The following PCDHGB2 variants were observed in gnomAD, a reference collection of about 807,000 sequenced individuals.
The protein encoded by PCDHGB2 is protocadherin gamma-B2.
PCDHGB2 carries 55 observed loss-of-function variants against 59.3 expected under a neutral mutation model. The ratio of observed to expected loss-of-function variants is 0.93; its 90% CI spans 0.75 to 1.16. The LOEUF (loss-of-function observed/expected upper bound fraction) is 1.16. PCDHGB2 is among the 50% of genes most tolerant of loss of function. The pLI, the probability that PCDHGB2 is intolerant of heterozygous loss-of-function variation, is 0.00. For synonymous variants in PCDHGB2, 516 were observed against 512.0 expected, an observed-to-expected ratio of 1.01 and a Z score of -0.11; for missense variants, 1,228 against 1,198.5, an observed-to-expected ratio of 1.02 and a Z score of -0.36.
intron 1 of PCDHGB2, chr5:141,383,115 G>T: frequency 6.2e-7 from 1 of 1,614,078 alleles, no homozygotes; most frequent in Non-Finnish European, 8.5e-7. Flanking sequence ...GAGGTAGGAC[G>T]CAGCTTTTCG....
chr5:141,409,282 A>G (rs769745022), intron 1 of PCDHGB2: 1 of 1,613,958 alleles, frequency 6.2e-7, no homozygotes, highest in East Asian at 2.2e-5. Context: ...TGGAGAATTC[A>G]CCTCCAGGAA....
rs371130763 is a variant in PCDHGB2 at position 141,432,970 on chromosome 5, G to A, written c.2422-61837G>A. The A allele has an allele frequency of 5.0e-6, 8 of 1,613,996 alleles. No homozygotes were observed. Among genetic ancestry groups the A allele is most frequent in the East Asian group, 4.5e-5 (2 of 44,868 alleles). ...GAGGCGGCTTGACAGGAGCGCCGGC[G>A]TCGCACTTTGTGGGCGTGGACGGGG... On this transcript the variant is annotated intron_variant, in intron 1 of 3. Transcript: ENST00000522605. The surrounding 1 kb of genome is among the most constrained non-coding windows in gnomAD (Gnocchi z 6.0).
intron 1 of PCDHGB2, among the ~76,000 whole-genome samples, chr5:141,373,204 A>G (rs1769394897): frequency 6.6e-6 from 1 of 152,216 alleles, no homozygotes; most frequent in South Asian, 2.1e-4. Context: ...ATATCTTAAC[A>G]CATTTTTAAT....
intron 1 of PCDHGB2, among the ~76,000 whole-genome samples, chr5:141,400,846 A>G (rs1273650139): frequency 6.6e-6 from 1 of 152,190 alleles, no homozygotes; most frequent in Non-Finnish European, 1.5e-5. Context: ...ACATGTTTAT[A>G]TTTTATTGTA....
rs867810670 is a variant in PCDHGB2 at position 141,385,551 on chromosome 5, T to C, written c.2421+22995T>C. 11 of 1,313,528 alleles carry C rather than the reference T, an allele frequency of 8.4e-6. No individual in the cohort carries two copies. The African/African-American group carries it at 9.1e-5, about 11-fold the overall frequency. 81.4% of individuals were successfully genotyped at this position (1,313,528 alleles called of 1,614,324 possible). ...GATTATGAATATGTGGACTATCACA[T>C]TTTATAATTTCCACCTACTTTCCAA... On this transcript the variant is annotated intron_variant, in intron 1 of 3. Transcript: ENST00000522605.
rs767701229 is a variant in PCDHGB2, at chr5:141,405,417, T to TTTTTG, written c.2421+42876_2421+42880dup. 250 of 1,563,234 alleles carry TTTTTG rather than the reference T, an allele frequency of 1.6e-4. 1 individual carries two copies. Among genetic ancestry groups the TTTTTG allele is most frequent in the Admixed American group, 1.3e-4 (7 of 55,240 alleles). On this transcript the variant is annotated intron_variant, in intron 1 of 3. Coordinates refer to ENST00000522605, the MANE Select transcript of PCDHGB2 (RefSeq NM_018923.3). The stretch of plus-strand genomic sequence containing the variant: ...TTCTTTCTTTCTTTTCTTTTTTTGT[T>TTTTTG]TTTTGTTTTGTTTTGTTTTTGAGAC...
intron 1 of PCDHGB2, chr5:141,371,139 G>T: frequency 6.2e-7 from 1 of 1,614,022 alleles, no homozygotes; most frequent in South Asian, 1.1e-5. Context: ...CATGTACAGG[G>T]TCAATGTTGC....
chr5:141,510,526 A>T (rs1164238062), intron 3 of PCDHGB2, among the ~76,000 whole-genome samples: 1 of 152,156 alleles, frequency 6.6e-6, no homozygotes, highest in East Asian at 1.9e-4. Flanking sequence ...CAGCCCTGAG[A>T]GAAATACCAG....
intron 1 of PCDHGB2, chr5:141,387,776 A>G: frequency 6.9e-7 from 1 of 1,452,928 alleles, no homozygotes; most frequent in Non-Finnish European, 9.2e-7. Flanking sequence ...TTTTTCTTGA[A>G]CTGGAACTGC....
At chr5:141,471,075 G>T (rs574363005) in intron 1 of PCDHGB2, among the ~76,000 whole-genome samples, 1 of 143,346 alleles carries the variant, frequency 7.0e-6, no homozygotes, top group East Asian at 2.0e-4. Context: ...TTGAGACAGG[G>T]TCTCCCTCTG....
At chr5:141,366,741 G>C (rs772947820) in intron 1 of PCDHGB2, 1 of 1,611,828 alleles carries the variant, frequency 6.2e-7, no homozygotes, top group Non-Finnish European at 8.5e-7. Context: ...AAAGAAGAAC[G>C]GCGAGTTCAG....
chr5:141,511,713 C>T lies in PCDHGB2; in HGVS notation c.*540C>T. 5.4e-6 allele frequency: 1 copy of T among 186,446 alleles called. No individual in the cohort carries two copies. Among genetic ancestry groups the T allele is most frequent in the Admixed American group, 5.3e-5 (1 of 18,840 alleles). The allele number at this position is 186,446 out of a possible 1,614,324, so 11.5% of individuals were successfully genotyped here. ...TTGGTGCCAGCCCCTTCACCTCCTT[C>T]CAGAGCCCAAGATCAATGCTCAAGT... On this transcript the variant is annotated 3_prime_UTR_variant, in exon 4 of 4. Transcript: ENST00000522605.
intron 1 of PCDHGB2, chr5:141,410,439 G>C: frequency 6.2e-7 from 1 of 1,614,008 alleles, no homozygotes; most frequent in Non-Finnish European, 8.5e-7. Context: ...TACAGTGAGG[G>C]GACTTTGCCT....
rs757691247 is a variant in PCDHGB2 at position 141,399,920 on chromosome 5, C to T, written c.2421+37364C>T. On this transcript the variant is annotated intron_variant, in intron 1 of 3. Coordinates refer to ENST00000522605, the MANE Select transcript of PCDHGB2 (RefSeq NM_018923.3). ...GTGGACGCAGACTCAGGACACAACG[C>T]CTGGCTGTCCTACCACGTGCTGCAG... is the stretch of plus-strand genomic sequence containing the variant. 1.2e-5 allele frequency: 20 copies of T among 1,612,216 alleles called. No homozygotes were observed. The South Asian group carries it at 2.1e-4, about 17-fold the overall frequency.
At chr5:141,415,422 G>A (rs769839324) in intron 1 of PCDHGB2, 3 of 1,614,204 alleles carry the variant, frequency 1.9e-6, no homozygotes, top group East Asian at 2.2e-5. Context: ...GCGTGGACGG[G>A]GTTCGGGCTT....
At chr5:141,437,796 G>A (rs2097911691) in intron 1 of PCDHGB2, among the ~76,000 whole-genome samples, 1 of 150,348 alleles carries the variant, frequency 6.7e-6, no homozygotes, top group South Asian at 2.1e-4. Context: ...GGAGTGCAGT[G>A]GCACTATCTT....
intron 1 of PCDHGB2, among the ~76,000 whole-genome samples, chr5:141,461,267 T>C (rs2099012147): frequency 6.6e-6 from 1 of 152,140 alleles, no homozygotes; most frequent in Admixed American, 6.6e-5. Flanking sequence ...AATGTGTAAG[T>C]GTTCTCTTTT....
chr5:141,419,715 TG>T (rs754309862), intron 1 of PCDHGB2: 1 of 1,613,288 alleles, frequency 6.2e-7, no homozygotes, highest in South Asian at 1.1e-5. Flanking sequence ...CTCTTCAGCC[TG>T]GGGCTGCGAA....
In PCDHGB2 at chr5:141,476,432, G is replaced by T; in HGVS notation, c.2422-18375G>T. 6.2e-7 allele frequency: 1 copy of T among 1,614,116 alleles called. No individual in the cohort carries two copies. The highest frequency in any genetic ancestry group is 8.5e-7 in the Non-Finnish European group (1 of 1,180,028). ...GTGTGGGACACTGCCCTCTTGCACT[G>T]TAACTCTGGAGTTGGTAGTGGAGAA... On this transcript the variant is annotated intron_variant, in intron 1 of 3. Coordinates refer to ENST00000522605, the MANE Select transcript of PCDHGB2 (RefSeq NM_018923.3). The surrounding 1 kb of genome is among the most constrained non-coding windows in gnomAD (Gnocchi z 7.6).
Sources: allele counts gnomAD v4.1 joint callset (sites outside exome capture counted in the v4.1 genomes callset), GRCh38; gene constraint gnomAD v4.1.1; non-coding constraint Gnocchi (gnomAD v3.1); transcripts MANE v1.5; gene names NCBI Gene and HGNC (gene_info 2026-07-23, HGNC 2026-07-21).